The following DDX6 variants were observed in gnomAD, a reference collection of about 807,000 sequenced individuals.
DDX6 encodes probable ATP-dependent RNA helicase DDX6.
Under a neutral mutation model 60.6 loss-of-function variants are expected in DDX6, and 7 were observed. That is an observed-to-expected ratio of 0.12 (90% CI 0.07 to 0.22). DDX6 has a LOEUF of 0.22. DDX6 is among the 10% of genes least tolerant of loss of function. The pLI is 1.00. For missense variants in DDX6, 270 were observed against 589.9 expected (o/e 0.46, Z 5.62); for synonymous variants, 207 against 201.0 (o/e 1.03, Z -0.25).
chr11:118,785,122 A>C (rs1219008027), intron 2 of DDX6, among the ~76,000 whole-genome samples: 1 of 152,208 alleles, frequency 6.6e-6, no homozygotes, highest in Admixed American at 6.5e-5. Context: ...AAGAATCTTA[A>C]ATGTTAATTT....
intron 1 of DDX6, chr11:118,789,782 T>C (rs539232951): frequency 9.8e-5 from 15 of 152,300 alleles, no homozygotes; most frequent in African/African-American, 3.6e-4. Flanking sequence ...AGACCTCCTA[T>C]ATCCTTAAAT....
chr11:118,773,620 G>C (rs550600962), intron 4 of DDX6, among the ~76,000 whole-genome samples: 3 of 151,586 alleles, frequency 2.0e-5, no homozygotes, highest in African/African-American at 7.3e-5. Context: ...TACTCCAGAC[G>C]AGGTAGCAAT....
At chr11:118,773,242 T>C (rs1395190784) in intron 4 of DDX6, among the ~76,000 whole-genome samples, 2 of 152,144 alleles carry the variant, frequency 1.3e-5, no homozygotes, top group East Asian at 1.9e-4. Flanking sequence ...TTCCTCTTAT[T>C]TTCCAAACCT....
At chr11:118,782,330 G>C (rs1555164848) in intron 2 of DDX6, among the ~76,000 whole-genome samples, 1 of 149,840 alleles carries the variant, frequency 6.7e-6, no homozygotes, top group Non-Finnish European at 1.5e-5. Flanking sequence ...TCATGAAAGA[G>C]AATAAAAACA....
chr11:118,773,946 TAGC>T (rs1246323575), intron 4 of DDX6, among the ~76,000 whole-genome samples: 2 of 152,198 alleles, frequency 1.3e-5, no homozygotes, highest in African/African-American at 4.8e-5. Flanking sequence ...AACCGATTGT[TAGC>T]AGGAAGAATG....
chr11:118,764,782 C>A (rs1555160962), intron 6 of DDX6, among the ~76,000 whole-genome samples: 2 of 146,816 alleles, frequency 1.4e-5, no homozygotes, highest in African/African-American at 5.0e-5. Flanking sequence ...CCAGCCTGGG[C>A]AACAGAGCAA....
In DDX6 at chr11:118,786,484, A is replaced by T; in HGVS notation, c.-233T>A. On this transcript the variant is annotated 5_prime_UTR_variant, in exon 2 of 14. Coordinates refer to ENST00000534980, the MANE Select transcript of DDX6 (RefSeq NM_004397.6). Reference sequence around the variant, plus strand: ...TTTTATTTTTAAAAAGCCCTCTAACAAGCTTGAGTTATATCTGAATTCACT... The same window carrying T: ...TTTTATTTTTAAAAAGCCCTCTAACTAGCTTGAGTTATATCTGAATTCACT... 2.9e-6 allele frequency: 1 copy of T among 345,900 alleles called. No homozygotes were observed. The highest frequency in any genetic ancestry group is 1.2e-4 in the South Asian group (1 of 8,076). The allele number at this position is 345,900 out of a possible 1,614,324, so 21.4% of individuals were successfully genotyped here.
At position 118,786,041 on chromosome 11, in the gene DDX6, C is replaced by G. The variant is rs1470198932; in HGVS notation, c.200+11G>C. On this transcript the variant is annotated intron_variant, in intron 2 of 13. Coordinates refer to ENST00000534980, the MANE Select transcript of DDX6 (RefSeq NM_004397.6). ...CACAAGTGTTTATTAATAATTTACT[C>G]TAACACTTACTTAATAGTGGTGGTC... The G allele has an allele frequency of 6.2e-7, 1 of 1,608,808 alleles. No individual in the cohort carries two copies. The highest frequency in any genetic ancestry group is 8.5e-7 in the Non-Finnish European group (1 of 1,176,542).
rs1263083485 is a variant in DDX6, at chr11:118,766,099, C to A, written c.500-744G>T. Among the ~76,000 whole-genome samples, 3 of 151,792 alleles carry A rather than the reference C, an allele frequency of 2.0e-5. No homozygotes were observed. The East Asian group carries it at 5.8e-4, about 29-fold the overall frequency. The stretch of plus-strand genomic sequence containing the variant: ...ATAAAAAAAAAGAAAAGAAACACTG[C>A]CCCTTATAATCTAGATACCGAGATG... On this transcript the variant is annotated intron_variant, in intron 5 of 13. Transcript: ENST00000534980.
intron 4 of DDX6, among the ~76,000 whole-genome samples, chr11:118,778,179 T>C (rs1555164009): frequency 6.6e-6 from 1 of 151,962 alleles, no homozygotes; most frequent in East Asian, 1.9e-4. Flanking sequence ...AGAGCAGAGA[T>C]GAGATCAAGC....
At chr11:118,761,858 A>T (rs1861178887) in intron 7 of DDX6, among the ~76,000 whole-genome samples, 1 of 73,622 alleles carries the variant, frequency 1.4e-5, no homozygotes, top group East Asian at 5.8e-4. Flanking sequence ...TAAAAATTAA[A>T]TGGAAAAAAA....
intron 10 of DDX6, 124 bp downstream of exon 10, chr11:118,757,047 G>T (rs1282827261): frequency 4.1e-6 from 2 of 487,672 alleles, no homozygotes; most frequent in Admixed American, 8.6e-5. Flanking sequence ...AGGTCAAAAT[G>T]AAAGGTCCTT....
Position 118,751,703 on chromosome 11 carries a change from A to G in DDX6, c.*402T>C. Reference sequence around the variant, plus strand: ...AGGCTTAAAAAACGGATGAGGAATCAGGGAGAAGTTGAAATGCACGAGAGT... The same window carrying G: ...AGGCTTAAAAAACGGATGAGGAATCGGGGAGAAGTTGAAATGCACGAGAGT... On this transcript the variant is annotated 3_prime_UTR_variant, in exon 14 of 14. Coordinates refer to ENST00000534980, the MANE Select transcript of DDX6 (RefSeq NM_004397.6). 1 of 277,494 alleles carries G rather than the reference A, an allele frequency of 3.6e-6. No individual in the cohort carries two copies. The highest frequency in any genetic ancestry group is 7.1e-6 in the Non-Finnish European group (1 of 141,260). 17.2% of individuals were successfully genotyped at this position (277,494 alleles called of 1,614,324 possible).
intron 4 of DDX6, among the ~76,000 whole-genome samples, chr11:118,769,503 AGAC>A (rs1861463571): frequency 6.6e-6 from 1 of 152,168 alleles, no homozygotes; most frequent in Admixed American, 6.5e-5. Context: ...TAAATTTCCC[AGAC>A]AACAGCAAAG....
chr11:118,777,739 ATTAG>A (rs1235984795), intron 4 of DDX6, among the ~76,000 whole-genome samples: 2 of 152,050 alleles, frequency 1.3e-5, no homozygotes, highest in Admixed American at 6.6e-5. Flanking sequence ...AAATGCAAAA[ATTAG>A]TTAGGTGTGG....
chr11:118,756,715 A>G (rs1860990438), intron 10 of DDX6, among the ~76,000 whole-genome samples: 3 of 152,216 alleles, frequency 2.0e-5, no homozygotes, highest in African/African-American at 7.2e-5. Context: ...TAAAGGAAAT[A>G]TTTGTGTCTG....
rs565819768 is a variant in DDX6 at position 118,750,815 on chromosome 11, GCT to G, written c.*1288_*1289del. The G allele has an allele frequency of 2.0e-5, 3 of 152,176 alleles. No individual in the cohort carries two copies. 9.4% of individuals were successfully genotyped at this position (152,176 alleles called of 1,614,324 possible). On this transcript the variant is annotated 3_prime_UTR_variant, in exon 14 of 14. Coordinates refer to ENST00000534980, the MANE Select transcript of DDX6 (RefSeq NM_004397.6). ...ATTATCAATGTTTTGAAGCTTCCTT[GCT>G]CTCTCTGGTAAACCTACTCCAAAGG...
chr11:118,786,449 G>T lies in DDX6; in HGVS notation c.-198C>A. On this transcript the variant is annotated 5_prime_UTR_variant, in exon 2 of 14. Transcript: ENST00000534980. ...GCAGCAGTAACTTGCTCTCTTGCAC[G>T]GAATCAACTTTTTATTTTTAAAAAG... 1 of 397,746 alleles carries T rather than the reference G, an allele frequency of 2.5e-6. No homozygotes were observed. Among genetic ancestry groups the T allele is most frequent in the Non-Finnish European group, 4.4e-6 (1 of 226,726 alleles). 24.6% of individuals were successfully genotyped at this position (397,746 alleles called of 1,614,324 possible). A position where few individuals can be genotyped will look rare whatever the true frequency, so the allele number is the denominator to read the frequency against.
chr11:118,760,133 C>A, intron 7 of DDX6, 89 bp from the exon 8 acceptor site: 1 of 1,167,060 alleles, frequency 8.6e-7, no homozygotes, highest in Non-Finnish European at 1.2e-6. Context: ...AGGCATCATC[C>A]AACAAAAGCA....
Sources: allele counts gnomAD v4.1 joint callset (sites outside exome capture counted in the v4.1 genomes callset), GRCh38; gene constraint gnomAD v4.1.1; transcripts MANE v1.5; gene names NCBI Gene and HGNC (gene_info 2026-07-23, HGNC 2026-07-21).